Variants in GAB1 observed in about 807,000 individuals in gnomAD.
GAB1 encodes the protein GRB2 associated binding protein 1, also known as GRB2-associated-binding protein 1.
Under a neutral mutation model 66.5 loss-of-function variants are expected in GAB1, and 19 were observed. The observed-to-expected ratio is 0.29, with a 90% CI of 0.20 to 0.42. GAB1 has a LOEUF of 0.42. Ranked by LOEUF, GAB1 falls within the 10% of genes least tolerant of loss-of-function variation. GAB1 has a pLI of 1.00. For missense variants in GAB1, 732 were observed against 858.5 expected, an observed-to-expected ratio of 0.85 and a Z score of 1.84; for synonymous variants, 294 against 301.4, an observed-to-expected ratio of 0.98 and a Z score of 0.25.
In GAB1 at chr4:143,469,834, G is replaced by C. The variant is rs1735994907; in HGVS notation, c.*645G>C. On this transcript the variant is annotated 3_prime_UTR_variant, in exon 10 of 10. Transcript: ENST00000262994. Reference sequence around the variant, plus strand: ...TATTTTGTTAATTACAGTGTTTTTGGTTCATTGAGTGAAGATTCTGCCGGG... The same window carrying C: ...TATTTTGTTAATTACAGTGTTTTTGCTTCATTGAGTGAAGATTCTGCCGGG... 6.6e-6 allele frequency: 1 copy of C among 152,578 alleles called. No homozygotes were observed. Among genetic ancestry groups the C allele is most frequent in the African/African-American group, 2.4e-5 (1 of 41,410 alleles). 9.5% of individuals were successfully genotyped at this position (152,578 alleles called of 1,614,324 possible). A position where few individuals can be genotyped will look rare whatever the true frequency, so the allele number is the denominator to read the frequency against.
At chr4:143,403,900 T>A (rs1041196226) in intron 1 of GAB1, among the ~76,000 whole-genome samples, 1 of 152,246 alleles carries the variant, frequency 6.6e-6, no homozygotes, top group African/African-American at 2.4e-5. Flanking sequence ...TAGACTGAGA[T>A]TTATGTTAAG....
rs777408146 is a variant in GAB1 at position 143,469,055 on chromosome 4, A to G, written c.1951A>G (p.Ser651Gly). Residue 651 changes from serine to glycine, a missense_variant, in exon 10 of 10, where the codon AGT becomes GGT. Ser to Gly is a moderately conservative substitution (Grantham distance 56, BLOSUM62 0). Coordinates refer to ENST00000262994, the MANE Select transcript of GAB1 (RefSeq NM_002039.4). ...RKQKSSGSGS[S>G]VADERVDYVV... ...GCAAAAGAGCAGTGGCTCAGGCAGC[A>G]GTGTAGCAGATGAGAGAGTGGATTA... is the stretch of plus-strand genomic sequence containing the variant. 17 of 1,613,944 alleles carry G rather than the reference A, an allele frequency of 1.1e-5. No individual in the cohort carries two copies. The East Asian group carries it at 3.6e-4, about 34-fold the overall frequency.
intron 6 of GAB1, among the ~76,000 whole-genome samples, chr4:143,441,349 T>C (rs1326084781): frequency 1.3e-5 from 2 of 152,226 alleles, no homozygotes; most frequent in Non-Finnish European, 2.9e-5. Context: ...TTAGGGTGTT[T>C]CAGCACATTT....
chr4:143,466,396 A>G (rs1413089422), intron 9 of GAB1, among the ~76,000 whole-genome samples, 171 bp downstream of exon 9: 1 of 147,150 alleles, frequency 6.8e-6, no homozygotes, highest in African/African-American at 2.5e-5. Context: ...ATGGAGACTG[A>G]TTATTTTTTC....
intron 2 of GAB1, among the ~76,000 whole-genome samples, chr4:143,433,142 G>C (rs1733763591): frequency 6.6e-6 from 1 of 152,172 alleles, no homozygotes; most frequent in Admixed American, 6.5e-5. Flanking sequence ...GTTGGCTTAG[G>C]AAGCACTTCA....
At chr4:143,466,772 G>A (rs1366147217) in intron 9 of GAB1, among the ~76,000 whole-genome samples, 1 of 151,956 alleles carries the variant, frequency 6.6e-6, no homozygotes, top group Non-Finnish European at 1.5e-5. Flanking sequence ...ATTACAGGCA[G>A]GAGCCACTGC....
intron 1 of GAB1, among the ~76,000 whole-genome samples, chr4:143,351,820 GA>G (rs1729238845): frequency 6.6e-6 from 1 of 152,210 alleles, no homozygotes; most frequent in South Asian, 2.1e-4. Flanking sequence ...CTATTGCACA[GA>G]TTTATCTGGC....
chr4:143,336,880 TC>T lies in GAB1; in HGVS notation c.-306del, dbSNP rs1016032590. On this transcript the variant is annotated 5_prime_UTR_variant, in exon 1 of 10. Coordinates refer to ENST00000262994, the MANE Select transcript of GAB1 (RefSeq NM_002039.4). ...GCTCCGGCACCGAGTCGGGGCAGAGTCCCGCTGAGTCCGAGCGCTGCTGAGG... is the reference window on the plus strand; with the variant it reads ...GCTCCGGCACCGAGTCGGGGCAGAGTCCGCTGAGTCCGAGCGCTGCTGAGG... 5.0e-6 allele frequency: 2 copies of T among 400,612 alleles called. No homozygotes were observed. The highest frequency in any genetic ancestry group is 8.4e-5 in the Admixed American group (2 of 23,728). The allele number at this position is 400,612 out of a possible 1,614,324, so 24.8% of individuals were successfully genotyped here. A position where few individuals can be genotyped will look rare whatever the true frequency, so the allele number is the denominator to read the frequency against.
At chr4:143,423,725 C>CA (rs1733148373) in intron 2 of GAB1, among the ~76,000 whole-genome samples, 1 of 141,874 alleles carries the variant, frequency 7.0e-6, no homozygotes, top group Non-Finnish European at 1.5e-5. Context: ...TGCAATGAGC[C>CA]AGATCGCGCC....
chr4:143,405,677 A>C (rs554113989), intron 1 of GAB1, among the ~76,000 whole-genome samples: 1 of 152,318 alleles, frequency 6.6e-6, no homozygotes, highest in South Asian at 2.1e-4. Flanking sequence ...ACACTTAAAG[A>C]GAAATAAGAC....
At chr4:143,422,113 G>A (rs1020626873) in intron 2 of GAB1, among the ~76,000 whole-genome samples, 15 of 152,108 alleles carry the variant, frequency 9.9e-5, no homozygotes, top group Non-Finnish European at 1.3e-4. Flanking sequence ...ATAAAAAACG[G>A]TGTATTTAGA....
chr4:143,341,005 T>TCAG (rs1419909111), intron 1 of GAB1, among the ~76,000 whole-genome samples: 6 of 152,212 alleles, frequency 3.9e-5, no homozygotes, highest in African/African-American at 1.2e-4. Flanking sequence ...TCAAGAGTAG[T>TCAG]CAGCAGATTC....
chr4:143,342,227 T>C (rs1728844556), intron 1 of GAB1, among the ~76,000 whole-genome samples: 1 of 152,204 alleles, frequency 6.6e-6, no homozygotes, highest in East Asian at 1.9e-4. Context: ...TGCTACCTTT[T>C]GAGATTCAGA....
chr4:143,457,848 A>G, intron 6 of GAB1: 2 of 763,592 alleles, frequency 2.6e-6, no homozygotes, highest in Non-Finnish European at 4.2e-6. Flanking sequence ...TTCTAAAAAT[A>G]AAGAAGAACC....
intron 1 of GAB1, among the ~76,000 whole-genome samples, chr4:143,387,686 TC>T (rs1442406567): frequency 2.0e-5 from 3 of 152,166 alleles, no homozygotes; most frequent in Non-Finnish European, 4.4e-5. Flanking sequence ...CTTACGGGTC[TC>T]CCTGCCTGGA....
At chr4:143,448,424 A>C (rs1427445611) in intron 6 of GAB1, among the ~76,000 whole-genome samples, 1 of 151,090 alleles carries the variant, frequency 6.6e-6, no homozygotes, top group Non-Finnish European at 1.5e-5. Flanking sequence ...CTGGTCCTGG[A>C]CTCTTTTTGG....
intron 1 of GAB1, chr4:143,382,041 T>C (rs1408280209): frequency 6.6e-6 from 1 of 152,244 alleles, no homozygotes; most frequent in Admixed American, 6.5e-5. Context: ...GTGTGTTTGC[T>C]TTCCTCAATC....
intron 1 of GAB1, among the ~76,000 whole-genome samples, chr4:143,353,583 G>A (rs1729313412): frequency 7.2e-6 from 1 of 139,836 alleles, no homozygotes; most frequent in African/African-American, 2.6e-5. Flanking sequence ...TCTGCTACTA[G>A]ACAGCTATTC....
At chr4:143,434,213 A>G (rs1374818836) in intron 3 of GAB1, 2 of 983,302 alleles carry the variant, frequency 2.0e-6, no homozygotes, top group East Asian at 6.2e-5. Context: ...GAAATTAATC[A>G]TAAGGTAAAA....
Sources: gnomAD v4.1 joint callset for allele counts (sites outside exome capture counted in the v4.1 genomes callset) on GRCh38, gnomAD v4.1.1 for gene constraint, MANE v1.5 for transcripts, NCBI Gene and HGNC (gene_info 2026-07-23, HGNC 2026-07-21) for gene names.